Variants in LRP1B observed in about 807,000 individuals in gnomAD.
LRP1B encodes low-density lipoprotein receptor-related protein 1B.
Under a neutral mutation model 556.6 loss-of-function variants are expected in LRP1B, and 217 were observed. The observed-to-expected ratio is 0.39, with a 90% CI of 0.35 to 0.44. LRP1B has a LOEUF of 0.44. Ranked by LOEUF, LRP1B falls within the 20% of genes least tolerant of loss-of-function variation. LRP1B has a pLI of 1.00. For synonymous variants in LRP1B, 2,047 were observed against 1,865.8 expected, an observed-to-expected ratio of 1.10 and a Z score of -2.50; for missense variants, 5,053 against 5,620.8, an observed-to-expected ratio of 0.90 and a Z score of 3.23.
intron 2 of LRP1B, among the ~76,000 whole-genome samples, chr2:141,763,788 A>T (rs568987636): frequency 6.6e-6 from 1 of 152,212 alleles, no homozygotes; most frequent in African/African-American, 2.4e-5. Context: ...GAAGTTTAAT[A>T]TTAAAGATAA....
chr2:141,653,296 A>G (rs541536887), intron 2 of LRP1B, among the ~76,000 whole-genome samples: 1 of 152,166 alleles, frequency 6.6e-6, no homozygotes, highest in Non-Finnish European at 1.5e-5. Flanking sequence ...ATGTTGCAAG[A>G]TCATCGTGTG....
intron 2 of LRP1B, among the ~76,000 whole-genome samples, chr2:141,496,563 T>G (rs1487646687): frequency 3.3e-5 from 5 of 152,120 alleles, no homozygotes; most frequent in Non-Finnish European, 7.4e-5. Context: ...TTAAACACGA[T>G]GTCGCTTACA....
rs536034316 is a variant in LRP1B at position 141,643,806 on chromosome 2, G to C, written c.206-163273C>G. ...GACCCCCTGTCTTCAACATATACTA[G>C]TCATGTGACATTGGGAAAAGTATCT... On this transcript the variant is annotated intron_variant, in intron 2 of 90. Coordinates refer to ENST00000389484, the MANE Select transcript of LRP1B (RefSeq NM_018557.3). 2.0e-5 allele frequency among the ~76,000 whole-genome samples: 3 copies of C among 152,238 alleles called. No homozygotes were observed. In the South Asian group the frequency reaches 6.2e-4, roughly 32 times the overall value.
intron 41 of LRP1B, among the ~76,000 whole-genome samples, chr2:140,647,823 AC>A (rs1396490832): frequency 6.6e-6 from 1 of 152,166 alleles, no homozygotes; most frequent in Non-Finnish European, 1.5e-5. Flanking sequence ...AAATAGGAAC[AC>A]TTTTACACTG....
chr2:142,108,829 A>G (rs1442116650), intron 1 of LRP1B, among the ~76,000 whole-genome samples: 2 of 152,216 alleles, frequency 1.3e-5, no homozygotes, highest in Non-Finnish European at 2.9e-5. Context: ...ACACAAGTAA[A>G]AAGGGACAAA....
intron 2 of LRP1B, among the ~76,000 whole-genome samples, chr2:141,562,314 CTTTT>C (rs34934837): frequency 6.6e-6 from 1 of 151,816 alleles, no homozygotes; most frequent in Non-Finnish European, 1.5e-5. Context: ...TTGGATAAAG[CTTTT>C]TGGAATGGAC....
chr2:141,614,657 G>A (rs1196056242), intron 2 of LRP1B, among the ~76,000 whole-genome samples: 1 of 151,924 alleles, frequency 6.6e-6, no homozygotes, highest in Non-Finnish European at 1.5e-5. Flanking sequence ...AGAAATTGGA[G>A]TGATAGATCT....
intron 35 of LRP1B, among the ~76,000 whole-genome samples, chr2:140,725,382 C>T (rs888487221): frequency 1.3e-5 from 2 of 151,676 alleles, no homozygotes; most frequent in African/African-American, 4.8e-5. Flanking sequence ...TATAAAATCA[C>T]TCATATAAAC....
chr2:141,010,188 C>T (rs1025555332), intron 14 of LRP1B, among the ~76,000 whole-genome samples: 1 of 152,030 alleles, frequency 6.6e-6, no homozygotes, highest in Non-Finnish European at 1.5e-5. Context: ...TTGATTATCT[C>T]ATTCCCCAAA....
chr2:141,185,376 T>C (rs1035708344), intron 7 of LRP1B, among the ~76,000 whole-genome samples: 8 of 152,062 alleles, frequency 5.3e-5, no homozygotes, highest in African/African-American at 1.9e-4. Context: ...GGTTGGAATA[T>C]GATCTCTATG....
intron 7 of LRP1B, among the ~76,000 whole-genome samples, chr2:141,128,155 G>A (rs1049687222): frequency 9.9e-5 from 15 of 152,188 alleles, no homozygotes; most frequent in Admixed American, 8.5e-4. Context: ...GCCTTCATTT[G>A]AATAATTTTA....
intron 1 of LRP1B, among the ~76,000 whole-genome samples, chr2:141,887,939 T>C (rs1364780261): frequency 6.6e-6 from 1 of 152,232 alleles, no homozygotes; most frequent in Non-Finnish European, 1.5e-5. Flanking sequence ...CAAAGAACTC[T>C]GGTAAAATAC....
rs569031674 is a variant in LRP1B, at chr2:141,977,938, T to C, written c.82+152710A>G. Among the ~76,000 whole-genome samples the C allele has an allele frequency of 6.6e-5, 10 of 152,294 alleles. No homozygotes were observed. In the East Asian group the frequency reaches 1.7e-3, roughly 26 times the overall value. ...GCAACATCTACAATAAACTATATTATGTAAGAGAACTACTTACGAAGTATG... is the reference window on the plus strand; with the variant it reads ...GCAACATCTACAATAAACTATATTACGTAAGAGAACTACTTACGAAGTATG... On this transcript the variant is annotated intron_variant, in intron 1 of 90. Coordinates refer to ENST00000389484, the MANE Select transcript of LRP1B (RefSeq NM_018557.3).
At chr2:141,530,670 A>G (rs183895245) in intron 2 of LRP1B, among the ~76,000 whole-genome samples, 2 of 152,140 alleles carry the variant, frequency 1.3e-5, no homozygotes, top group East Asian at 3.9e-4. Context: ...TAGGGAAGGG[A>G]AAAGTATTAG....
chr2:141,642,988 AC>A (rs113974380), intron 2 of LRP1B, among the ~76,000 whole-genome samples: 4 of 152,298 alleles, frequency 2.6e-5, no homozygotes, highest in African/African-American at 7.2e-5. Context: ...CAGTTAAAAG[AC>A]AAACTTAAGG....
intron 2 of LRP1B, among the ~76,000 whole-genome samples, chr2:141,654,018 G>C (rs1689900933): frequency 6.6e-6 from 1 of 152,044 alleles, no homozygotes; most frequent in Admixed American, 6.6e-5. Flanking sequence ...TCTCAGAGAA[G>C]GTTCTAAGCA....
intron 3 of LRP1B, among the ~76,000 whole-genome samples, chr2:141,433,155 G>C (rs1301517628): frequency 6.6e-6 from 1 of 151,940 alleles, no homozygotes; most frequent in Admixed American, 6.6e-5. Context: ...TGGTTATTCA[G>C]GAGTGTATTT....
At chr2:141,283,423 C>T (rs564438136) in intron 3 of LRP1B, among the ~76,000 whole-genome samples, 1 of 150,306 alleles carries the variant, frequency 6.7e-6, no homozygotes, top group Non-Finnish European at 1.5e-5. Flanking sequence ...TTAAGGAAGG[C>T]GGGGGAGGTG....
At chr2:141,451,358 C>A (rs1197122921) in intron 3 of LRP1B, among the ~76,000 whole-genome samples, 1 of 152,156 alleles carries the variant, frequency 6.6e-6, no homozygotes, top group Non-Finnish European at 1.5e-5. Flanking sequence ...TTGAAAAAGA[C>A]TGTTTTCACT....
Sources: allele counts gnomAD v4.1 joint callset (sites outside exome capture counted in the v4.1 genomes callset), GRCh38; gene constraint gnomAD v4.1.1; transcripts MANE v1.5; gene names NCBI Gene and HGNC (gene_info 2026-07-23, HGNC 2026-07-21).